Variants in PKD2 observed in about 807,000 individuals in gnomAD.
PKD2 encodes polycystin-2.
PKD2 carries 48 observed loss-of-function variants against 105.9 expected under a neutral mutation model. That is an observed-to-expected ratio of 0.45 (90% CI 0.36 to 0.58). The LOEUF is 0.58. PKD2 is among the 20% of genes least tolerant of loss of function. The pLI is 0.00. For synonymous variants in PKD2, 464 were observed against 481.1 expected, an observed-to-expected ratio of 0.96 and a Z score of 0.46; for missense variants, 1,078 against 1,255.3, an observed-to-expected ratio of 0.86 and a Z score of 2.13.
intron 2 of PKD2, among the ~76,000 whole-genome samples, chr4:88,026,844 G>A (rs1043032687): frequency 6.6e-6 from 1 of 152,248 alleles, no homozygotes; most frequent in African/African-American, 2.4e-5. Flanking sequence ...GTTAAAAGGA[G>A]CCAAGGTACA....
chr4:88,027,240 G>C lies in PKD2; in HGVS notation c.709+7669G>C, dbSNP rs570055392. 6.6e-5 allele frequency among the ~76,000 whole-genome samples: 10 copies of C among 152,338 alleles called. No individual in the cohort carries two copies. The East Asian group carries it at 1.9e-3, about 29-fold the overall frequency. On this transcript the variant is annotated intron_variant, in intron 2 of 14. Transcript: ENST00000237596. ...CCAGCCTGTGAAAGCAGCTGCAGGG[G>C]CTGTACCCTGCAGAGCCACAGAGGT...
chr4:88,037,493 C>T (rs185964833), intron 3 of PKD2, among the ~76,000 whole-genome samples: 25 of 152,296 alleles, frequency 1.6e-4, no homozygotes, highest in African/African-American at 6.0e-4. Context: ...TCTTACTACA[C>T]CCTGGGGTCA....
At chr4:88,070,887 G>A (rs527406073) in intron 13 of PKD2, among the ~76,000 whole-genome samples, 110 of 151,414 alleles carry the variant, frequency 7.3e-4, no homozygotes, top group African/African-American at 2.3e-3. Flanking sequence ...CTTCCGCCTC[G>A]GCCTCCCAAA....
chr4:88,036,500 T>A lies in PKD2; in HGVS notation c.843+147T>A, dbSNP rs1727340401. On this transcript the variant is annotated intron_variant, in intron 3 of 14. Transcript: ENST00000237596. ...GTTATGGTGAGTTGTTAGAAGTTAC[T>A]GTTCCTACTCTCAAAGGGGGTAAAC... is the stretch of plus-strand genomic sequence containing the variant. The A allele has an allele frequency of 4.4e-6, 6 of 1,377,436 alleles. No individual in the cohort carries two copies. In the East Asian group the frequency reaches 1.5e-4, roughly 34 times the overall value. 85.3% of individuals were successfully genotyped at this position (1,377,436 alleles called of 1,614,324 possible).
chr4:88,070,595 T>TAGAGAG lies in PKD2; in HGVS notation c.2522+2535_2522+2536insGAGAGA, dbSNP rs1230764764. Among the ~76,000 whole-genome samples, 299 of 98,356 alleles carry TAGAGAG rather than the reference T, an allele frequency of 3.0e-3. 2 individuals are homozygous for TAGAGAG. Among genetic ancestry groups the TAGAGAG allele is most frequent in the African/African-American group, 5.6e-3 (149 of 26,394 alleles). 64.5% of individuals were successfully genotyped at this position (98,356 alleles called of 152,430 possible). A position where few individuals can be genotyped will look rare whatever the true frequency, so the allele number is the denominator to read the frequency against. ...TATTTTATATATATATATATATATA[T>TAGAGAG]ATATATAGAGAGAGAGAGAGAGAGA... On this transcript the variant is annotated intron_variant, in intron 13 of 14. Transcript: ENST00000237596.
chr4:88,036,178 C>A, intron 2 of PKD2, 42 bp from the exon 3 acceptor site: 1 of 1,613,510 alleles, frequency 6.2e-7, no homozygotes, highest in Non-Finnish European at 8.5e-7. Context: ...GAATGTGTGC[C>A]GGTTCCCTTG....
At chr4:88,011,558 A>G (rs143764018) in intron 1 of PKD2, among the ~76,000 whole-genome samples, 1 of 152,210 alleles carries the variant, frequency 6.6e-6, no homozygotes, top group East Asian at 1.9e-4. Context: ...TGACATTGAA[A>G]TTGGTGTGCT....
intron 6 of PKD2, 58 bp downstream of exon 6, chr4:88,046,928 G>C: frequency 1.0e-6 from 1 of 962,772 alleles, no homozygotes; most frequent in South Asian, 1.3e-5. Flanking sequence ...GTTAACTAGA[G>C]TCTTTGATCT....
At chr4:88,036,605 T>C (rs781362547) in intron 3 of PKD2, 10 of 163,186 alleles carry the variant, frequency 6.1e-5, no homozygotes, top group Non-Finnish European at 1.3e-4. Flanking sequence ...ATAGTCTAAC[T>C]CTATAAGGTA....
chr4:88,035,381 T>A (rs1727296689), intron 2 of PKD2, among the ~76,000 whole-genome samples: 1 of 152,202 alleles, frequency 6.6e-6, no homozygotes, highest in Non-Finnish European at 1.5e-5. Flanking sequence ...AAGGAGATGA[T>A]GAACTCAAGT....
intron 4 of PKD2, among the ~76,000 whole-genome samples, 176 bp downstream of exon 4, chr4:88,038,677 C>T (rs1025477809): frequency 8.5e-5 from 13 of 152,194 alleles, no homozygotes; most frequent in Non-Finnish European, 1.8e-4. Flanking sequence ...TAAGTTTTCA[C>T]TACTTCTTAG....
intron 8 of PKD2, among the ~76,000 whole-genome samples, chr4:88,057,256 A>G (rs1578142384): frequency 6.6e-6 from 1 of 151,546 alleles, no homozygotes; most frequent in Non-Finnish European, 1.5e-5. Context: ...TTCCAAAAGT[A>G]CTGGGATTAC....
Position 88,008,204 on chromosome 4 carries a change from A to G in PKD2, c.471A>G (p.Arg157=). ...ACCCGAGCGGGAGGCGGCGCCGGCGAGAGGACCAGGGCCCGCCGTGCCCCA... is the reference window on the plus strand; with the variant it reads ...ACCCGAGCGGGAGGCGGCGCCGGCGGGAGGACCAGGGCCCGCCGTGCCCCA... The part of the protein sequence containing the change: ...AGHPSGRRRR[R]EDQGPPCPSP... The change falls in exon 1 of 15, where the codon CGA becomes CGG. Residue 157 remains arginine (R), a synonymous_variant. Coordinates refer to ENST00000237596, the MANE Select transcript of PKD2 (RefSeq NM_000297.4). The G allele has an allele frequency of 1.5e-6, 2 of 1,364,540 alleles. No homozygotes were observed. Among genetic ancestry groups the G allele is most frequent in the Non-Finnish European group, 9.4e-7 (1 of 1,068,176 alleles). The allele number at this position is 1,364,540 out of a possible 1,614,324, so 84.5% of individuals were successfully genotyped here.
intron 1 of PKD2, among the ~76,000 whole-genome samples, chr4:88,014,486 T>TAAA (rs33970692): frequency 0.27 from 38,365 of 144,388 alleles, 5,817 homozygotes; most frequent in Non-Finnish European, 0.35. Context: ...ACACTGTCTC[T>TAAA]AAAAAAAAAA....
At chr4:88,060,748 T>C (rs1720542687) in intron 9 of PKD2, among the ~76,000 whole-genome samples, 1 of 152,132 alleles carries the variant, frequency 6.6e-6, no homozygotes, top group East Asian at 1.9e-4. Context: ...CCATTACTAC[T>C]GTGGAAGGGA....
chr4:88,026,747 G>A (rs35199603), intron 2 of PKD2, among the ~76,000 whole-genome samples: 2,678 of 152,314 alleles, frequency 0.018, 48 homozygotes, highest in Middle Eastern at 0.031. Flanking sequence ...AAAATGGTGT[G>A]AGCCAGGCCC....
At chr4:88,063,445 C>A (rs1720655968) in intron 10 of PKD2, among the ~76,000 whole-genome samples, 1 of 151,702 alleles carries the variant, frequency 6.6e-6, no homozygotes, top group South Asian at 2.1e-4. Context: ...GCAGGAGAAT[C>A]GCTTGCACCT....
At chr4:88,042,379 G>T (rs752247639) in intron 4 of PKD2, among the ~76,000 whole-genome samples, 3 of 152,180 alleles carry the variant, frequency 2.0e-5, no homozygotes, top group Non-Finnish European at 4.4e-5. Context: ...GCATGGGAAA[G>T]ACCTGCCCCC....
At chr4:88,068,698 A>T (rs1056160334) in intron 13 of PKD2, among the ~76,000 whole-genome samples, 3 of 152,196 alleles carry the variant, frequency 2.0e-5, no homozygotes, top group African/African-American at 7.2e-5. Context: ...TTCCTTGTGC[A>T]TTTGAGAAGA....
Sources: gnomAD v4.1 joint callset for allele counts (sites outside exome capture counted in the v4.1 genomes callset) on GRCh38, gnomAD v4.1.1 for gene constraint, MANE v1.5 for transcripts, NCBI Gene and HGNC (gene_info 2026-07-23, HGNC 2026-07-21) for gene names.